PCTP: variants seen among roughly 807,000 people sequenced by gnomAD.
The protein encoded by PCTP is phosphatidylcholine transfer protein.
Under a neutral mutation model 31.0 loss-of-function variants are expected in PCTP, and 27 were observed. The observed-to-expected ratio is 0.87, with a 90% CI of 0.64 to 1.20. PCTP has a LOEUF of 1.20. Ranked by LOEUF, PCTP falls within the 50% of genes most tolerant of loss-of-function variation. PCTP has a pLI of 0.00. For synonymous variants in PCTP, 108 were observed against 101.2 expected, an observed-to-expected ratio of 1.07 and a Z score of -0.40; for missense variants, 287 against 268.2, an observed-to-expected ratio of 1.07 and a Z score of -0.49.
chr17:55,803,244 TG>T (rs1392647985), intron 3 of PCTP, among the ~76,000 whole-genome samples: 1 of 152,204 alleles, frequency 6.6e-6, no homozygotes, highest in Non-Finnish European at 1.5e-5. Context: ...TCCATGGTCA[TG>T]GATAAGAAGA....
intron 4 of PCTP, 22 bp downstream of exon 4, chr17:55,773,917 A>G: frequency 6.4e-7 from 1 of 1,571,792 alleles, no homozygotes; most frequent in Non-Finnish European, 8.7e-7. Flanking sequence ...GGTGCCTGTC[A>G]GTGCACCCAG....
intron 5 of PCTP, chr17:55,775,283 C>CT (rs535238414): frequency 0.087 from 55,460 of 637,502 alleles, 1 homozygote; most frequent in Non-Finnish European, 0.095. Flanking sequence ...TGTTGTTGCC[C>CT]TTTTTTTTTT....
chr17:55,773,562 G>T (rs1055004608), intron 3 of PCTP, 162 bp from the exon 4 acceptor site: 41 of 613,824 alleles, frequency 6.7e-5, no homozygotes, highest in Non-Finnish European at 1.1e-4. Flanking sequence ...CAGTCTTGCA[G>T]TGCAGGTATG....
downstream of PCTP, chr17:55,777,500 CT>C: frequency 1.4e-6 from 1 of 715,458 alleles, no homozygotes; most frequent in Non-Finnish European, 1.7e-6. Context: ...TAATTTTGGG[CT>C]TACTTATATG....
intron 3 of PCTP, among the ~76,000 whole-genome samples, chr17:55,793,166 CT>C (rs150433793): frequency 0.027 from 4,130 of 152,200 alleles, 186 homozygotes; most frequent in African/African-American, 0.095. Flanking sequence ...ATGCTGGCCT[CT>C]GAGTCTTAGA....
chr17:55,764,084 T>C (rs547846073), intron 1 of PCTP, among the ~76,000 whole-genome samples: 1 of 152,342 alleles, frequency 6.6e-6, no homozygotes, highest in South Asian at 2.1e-4. Context: ...CTGTTCTCAT[T>C]GTCTGTGCCA....
Position 55,795,682 on chromosome 17 carries a change from C to T in PCTP, c.317+8028C>T, listed in dbSNP as rs182941567. 3.3e-5 allele frequency among the ~76,000 whole-genome samples: 5 copies of T among 152,188 alleles called. No individual in the cohort carries two copies. In the East Asian group the frequency reaches 9.6e-4, roughly 29 times the overall value. ...CTTGCAAGAAATTGCAGATTTCACT[C>T]ATAGATGTTGCTCATTGACTAACAC... On this transcript the variant is annotated intron_variant, in intron 3 of 3. Transcript: ENST00000572536.
chr17:55,765,408 C>T (rs1482285532), intron 1 of PCTP, among the ~76,000 whole-genome samples: 1 of 152,168 alleles, frequency 6.6e-6, no homozygotes, highest in Non-Finnish European at 1.5e-5. Context: ...ATGGCATTCC[C>T]ATCTGCCCAA....
intron 5 of PCTP, among the ~76,000 whole-genome samples, chr17:55,831,942 G>T (rs1181681624): frequency 6.6e-6 from 1 of 152,156 alleles, no homozygotes; most frequent in Non-Finnish European, 1.5e-5. Flanking sequence ...TGGGCGTGGT[G>T]GTGGGCACCT....
intron 2 of PCTP, 46 bp from the exon 3 acceptor site, chr17:55,771,060 G>A (rs1352003890): frequency 6.9e-7 from 1 of 1,446,124 alleles, no homozygotes; most frequent in Non-Finnish European, 9.7e-7. Flanking sequence ...ATTAGTTGTA[G>A]CTAAAAAGGC....
intron 2 of PCTP, among the ~76,000 whole-genome samples, chr17:55,767,921 C>T (rs1384243254): frequency 1.3e-5 from 2 of 151,680 alleles, no homozygotes; most frequent in African/African-American, 2.4e-5. Context: ...GGTGAAATCC[C>T]GTCTCTACTA....
chr17:55,823,492 T>C (rs1905299529), downstream of PCTP, among the ~76,000 whole-genome samples: 2 of 152,230 alleles, frequency 1.3e-5, no homozygotes, highest in Admixed American at 1.3e-4. Flanking sequence ...CTCTCCTTTC[T>C]TCTCCCTGTC....
chr17:55,753,703 G>T (rs1461064539), intron 1 of PCTP, among the ~76,000 whole-genome samples: 1 of 152,104 alleles, frequency 6.6e-6, no homozygotes, highest in Non-Finnish European at 1.5e-5. Flanking sequence ...CATTACCATA[G>T]ACCTGACATC....
At chr17:55,787,304 G>A (rs796168891) in intron 2 of PCTP, among the ~76,000 whole-genome samples, 26 of 151,176 alleles carry the variant, frequency 1.7e-4, no homozygotes, top group Admixed American at 2.6e-4. Context: ...TTATACATGC[G>A]TTTGTGTGTG....
chr17:55,751,482 G>A (rs988408234), intron 1 of PCTP: 2 of 1,527,966 alleles, frequency 1.3e-6, no homozygotes, highest in African/African-American at 2.7e-5. Context: ...CCTCAGGTCA[G>A]GCCCGACGGG....
intron 3 of PCTP, among the ~76,000 whole-genome samples, chr17:55,816,426 AC>A (rs768283033): frequency 2.0e-4 from 30 of 152,370 alleles, no homozygotes; most frequent in Non-Finnish European, 4.0e-4. Flanking sequence ...AAAACCTGGT[AC>A]CTAGTAGGCC....
At chr17:55,765,944 A>G (rs977897469) in intron 1 of PCTP, among the ~76,000 whole-genome samples, 4 of 152,110 alleles carry the variant, frequency 2.6e-5, no homozygotes, top group Non-Finnish European at 4.4e-5. Context: ...CTATCTTCCT[A>G]TGGCTGGCTT....
the PCTP span, among the ~76,000 whole-genome samples, chr17:55,848,776 G>A: frequency 6.6e-6 from 1 of 152,158 alleles, no homozygotes; most frequent in Non-Finnish European, 1.5e-5. Context: ...AGGGCCTACA[G>A]CAACAGAGCT....
chr17:55,752,934 G>A (rs1245426076), intron 1 of PCTP, among the ~76,000 whole-genome samples: 3 of 152,108 alleles, frequency 2.0e-5, no homozygotes, highest in Non-Finnish European at 2.9e-5. Flanking sequence ...TTAGAGATGA[G>A]GCCTTGCTAT....
Sources: gnomAD v4.1 joint callset for allele counts (sites outside exome capture counted in the v4.1 genomes callset) on GRCh38, gnomAD v4.1.1 for gene constraint, MANE v1.5 for transcripts, NCBI Gene and HGNC (gene_info 2026-07-23, HGNC 2026-07-21) for gene names.